Variants in GATB observed in about 807,000 individuals in gnomAD.
GATB encodes glutamyl-tRNA(Gln) amidotransferase subunit B, mitochondrial.
A neutral mutation model predicts 62.3 loss-of-function variants in GATB; 39 were observed. That is an observed-to-expected ratio of 0.63 (90% CI 0.48 to 0.82). The LOEUF (loss-of-function observed/expected upper bound fraction) is 0.82. Ranked by LOEUF, GATB falls within the 40% of genes least tolerant of loss-of-function variation. The pLI is 0.00. For synonymous variants in GATB, 276 were observed against 258.9 expected, an observed-to-expected ratio of 1.07 and a Z score of -0.63; for missense variants, 670 against 684.0, an observed-to-expected ratio of 0.98 and a Z score of 0.23.
In GATB at chr4:151,755,822, G is replaced by A. The variant is rs186048331; in HGVS notation, c.327+2950C>T. The stretch of plus-strand genomic sequence containing the variant: ...TTTTCCCTTGTTGGTTTATTCTTTC[G>A]TCAGGAGGCAGTGAAACTTTGGGGA... On this transcript the variant is annotated intron_variant, in intron 2 of 12. Transcript: ENST00000263985. Among the ~76,000 whole-genome samples, 78 of 151,974 alleles carry A rather than the reference G, an allele frequency of 5.1e-4. 1 individual carries two copies. Among genetic ancestry groups the A allele is most frequent in the African/African-American group, 1.7e-3 (72 of 41,440 alleles).
At chr4:151,751,060 A>G (rs559847368) in intron 2 of GATB, among the ~76,000 whole-genome samples, 1 of 152,328 alleles carries the variant, frequency 6.6e-6, no homozygotes, top group Admixed American at 6.5e-5. Context: ...TGTCTCCCCC[A>G]GGGAAGCAGA....
intron 2 of GATB, among the ~76,000 whole-genome samples, chr4:151,748,316 A>T (rs1423882019): frequency 6.6e-6 from 1 of 152,202 alleles, no homozygotes; most frequent in Admixed American, 6.5e-5. Flanking sequence ...CAAAACAGAG[A>T]TATAGACCAA....
At chr4:151,677,254 T>A (rs1011680056) in intron 11 of GATB, 1 of 152,206 alleles carries the variant, frequency 6.6e-6, no homozygotes, top group South Asian at 2.1e-4. Context: ...TTTTCTTTTT[T>A]AAAAAAGTAC....
At chr4:151,738,483 C>A (rs1739423320) in intron 2 of GATB, among the ~76,000 whole-genome samples, 1 of 152,182 alleles carries the variant, frequency 6.6e-6, no homozygotes, top group Non-Finnish European at 1.5e-5. Context: ...GCCTCCCCAG[C>A]CAGGTGGAAT....
chr4:151,743,637 T>A (rs1739541012), intron 2 of GATB, among the ~76,000 whole-genome samples: 1 of 152,218 alleles, frequency 6.6e-6, no homozygotes, highest in African/African-American at 2.4e-5. Flanking sequence ...TTGGTTCTAA[T>A]CTGAATGGAA....
chr4:151,760,916 C>A lies in GATB; in HGVS notation c.67G>T (p.Gly23Cys). Reference sequence around the variant, plus strand: ...GGAGCCCCTCTTCGGTGGCAAGAACCACCGTCAACCCGGGCGAAAGCCCAA... The same window carrying A: ...GGAGCCCCTCTTCGGTGGCAAGAACAACCGTCAACCCGGGCGAAAGCCCAA... ...RRWAFARVDG[G>C]SCHRRGAPTG... The change falls in exon 1 of 13, where the codon GGT (glycine) becomes TGT (cysteine). Residue 23 changes from glycine (G) to cysteine (C), a missense_variant. By Grantham distance (159) the Gly-to-Cys change is radical. Transcript: ENST00000263985. 1 of 1,613,956 alleles carries A rather than the reference C, an allele frequency of 6.2e-7. No individual in the cohort carries two copies. The highest frequency in any genetic ancestry group is 8.5e-7 in the Non-Finnish European group (1 of 1,179,938).
Position 151,755,705 on chromosome 4 carries a change from G to A in GATB, c.327+3067C>T, listed in dbSNP as rs147192811. 4.5e-3 allele frequency among the ~76,000 whole-genome samples: 691 copies of A among 152,198 alleles called. 6 individuals are homozygous for A. Among genetic ancestry groups the A allele is most frequent in the African/African-American group, 0.016 (653 of 41,512 alleles). On this transcript the variant is annotated intron_variant, in intron 2 of 12. Transcript: ENST00000263985. ...CTTTGTTTTGATGTGTGAAATGAGC[G>A]ATACTTTTTCTCCAAATAGCTAACC... is the stretch of plus-strand genomic sequence containing the variant.
intron 9 of GATB, among the ~76,000 whole-genome samples, chr4:151,693,006 C>T (rs1260064296): frequency 2.0e-5 from 3 of 152,164 alleles, no homozygotes; most frequent in Non-Finnish European, 4.4e-5. Context: ...GAATTGCATC[C>T]GTCCCCTTTG....
At chr4:151,744,428 T>A (rs1471891991) in intron 2 of GATB, among the ~76,000 whole-genome samples, 7 of 152,048 alleles carry the variant, frequency 4.6e-5, no homozygotes, top group Non-Finnish European at 1.0e-4. Flanking sequence ...AAAAAGATGT[T>A]CAGTCAACTG....
In GATB at chr4:151,718,024, C is replaced by A. The variant is rs528115456; in HGVS notation, c.442-950G>T. Among the ~76,000 whole-genome samples, 253 of 152,354 alleles carry A rather than the reference C, an allele frequency of 1.7e-3. 1 individual carries two copies. Among genetic ancestry groups the A allele is most frequent in the African/African-American group, 5.9e-3 (244 of 41,588 alleles). ...GCTCCAAAATCCGTGTCTTTCACCA[C>A]TTGGCAGGCCCCCAGTTTAAGAACT... On this transcript the variant is annotated intron_variant, in intron 3 of 12. Coordinates refer to ENST00000263985, the MANE Select transcript of GATB (RefSeq NM_004564.3).
intron 2 of GATB, among the ~76,000 whole-genome samples, chr4:151,729,890 T>C (rs1251608724): frequency 2.0e-5 from 3 of 152,150 alleles, no homozygotes; most frequent in African/African-American, 7.2e-5. Flanking sequence ...CAGGACTAGA[T>C]TGCAGCTCCA....
At chr4:151,749,159 G>T (rs1185699842) in intron 2 of GATB, among the ~76,000 whole-genome samples, 1 of 152,106 alleles carries the variant, frequency 6.6e-6, no homozygotes, top group Non-Finnish European at 1.5e-5. Flanking sequence ...CCCATTACTG[G>T]GTATATACCC....
intron 2 of GATB, among the ~76,000 whole-genome samples, chr4:151,735,250 A>AC (rs1219763565): frequency 6.6e-6 from 1 of 151,326 alleles, no homozygotes; most frequent in African/African-American, 2.4e-5. Flanking sequence ...AAAAAAAAAA[A>AC]CAAACAATCC....
intron 2 of GATB, among the ~76,000 whole-genome samples, chr4:151,732,120 G>A (rs1214332254): frequency 2.0e-4 from 29 of 147,204 alleles, no homozygotes; most frequent in Admixed American, 2.7e-4. Context: ...GCCTCCGCCC[G>A]GCCACCGCCC....
intron 2 of GATB, among the ~76,000 whole-genome samples, chr4:151,731,797 C>G (rs1486024073): frequency 1.7e-4 from 25 of 149,888 alleles, no homozygotes; most frequent in African/African-American, 6.1e-4. Context: ...AGCGTCTCTG[C>G]CCGGCCGCCC....
chr4:151,731,893 C>T (rs1401305827), intron 2 of GATB, among the ~76,000 whole-genome samples: 1 of 150,760 alleles, frequency 6.6e-6, no homozygotes, highest in African/African-American at 2.5e-5. Context: ...CACCCAGCAG[C>T]CGCCCCATCC....
chr4:151,672,822 C>A lies in GATB; in HGVS notation c.1485G>T (p.Met495Ile). 1.9e-6 allele frequency: 3 copies of A among 1,614,228 alleles called. No homozygotes were observed. Among genetic ancestry groups the A allele is most frequent in the Non-Finnish European group, 2.5e-6 (3 of 1,180,022 alleles). ...GCTGCTCCAGTGCCCCCTGGTCCTG[C>A]ATCAGTTCAAGCTGCTTTTCTGAAA... ...QIVSEKQLEL[M>I]QDQGALEQLC... The change falls in exon 12 of 13, where the codon ATG (methionine) becomes ATT (isoleucine). Residue 495 changes from methionine (M) to isoleucine (I), a missense_variant. Transcript: ENST00000263985.
intron 2 of GATB, among the ~76,000 whole-genome samples, chr4:151,757,495 T>C (rs1028354720): frequency 1.6e-5 from 2 of 126,536 alleles, no homozygotes; most frequent in African/African-American, 6.6e-5. Flanking sequence ...TTTTTTGAGA[T>C]GGAGTCTCGC....
At chr4:151,741,116 C>T (rs533993136) in intron 2 of GATB, among the ~76,000 whole-genome samples, 1 of 151,890 alleles carries the variant, frequency 6.6e-6, no homozygotes, top group Non-Finnish European at 1.5e-5. Context: ...GTACCAAGTC[C>T]GATATAGACT....
Sources: allele counts gnomAD v4.1 joint callset (sites outside exome capture counted in the v4.1 genomes callset), GRCh38; gene constraint gnomAD v4.1.1; transcripts MANE v1.5; gene names NCBI Gene and HGNC (gene_info 2026-07-23, HGNC 2026-07-21).